The following EDC3 variants were observed in gnomAD, a reference collection of about 807,000 sequenced individuals.
EDC3 encodes the protein enhancer of mRNA decapping 3.
A neutral mutation model predicts 41.8 loss-of-function variants in EDC3; 20 were observed. The ratio of observed to expected loss-of-function variants is 0.48; its 90% confidence interval spans 0.34 to 0.70. EDC3 has a LOEUF of 0.70. EDC3 is among the 30% of genes least tolerant of loss of function. The pLI, the probability that EDC3 is intolerant of heterozygous loss-of-function variation, is 0.01. For synonymous variants in EDC3, 206 were observed against 243.2 expected, an observed-to-expected ratio of 0.85 and a Z score of 1.42; for missense variants, 444 against 636.8, an observed-to-expected ratio of 0.70 and a Z score of 3.26.
At chr15:74,680,575 C>T (rs1567179347) in intron 1 of EDC3, among the ~76,000 whole-genome samples, 1 of 152,056 alleles carries the variant, frequency 6.6e-6, no homozygotes, top group Non-Finnish European at 1.5e-5. Context: ...AATGCTTTCC[C>T]TATAAGAACA....
At chr15:74,687,043 A>T (rs1463212087) in intron 1 of EDC3, 1 of 152,398 alleles carries the variant, frequency 6.6e-6, no homozygotes, top group East Asian at 1.9e-4. Flanking sequence ...AGAAAAAAAT[A>T]AAAAATAAAT....
At chr15:74,674,883 G>A in intron 2 of EDC3, 78 bp downstream of exon 2, 2 of 1,540,126 alleles carry the variant, frequency 1.3e-6, no homozygotes, top group Middle Eastern at 2.3e-4. Context: ...TATGCCAAGA[G>A]AATACTAGCA....
At chr15:74,691,455 G>C (rs2141689157) in intron 1 of EDC3, among the ~76,000 whole-genome samples, 1 of 152,188 alleles carries the variant, frequency 6.6e-6, no homozygotes, top group Admixed American at 6.5e-5. Flanking sequence ...GATCACATAG[G>C]GAACTTAAGT....
At chr15:74,648,668 A>G (rs1307246076) in intron 4 of EDC3, among the ~76,000 whole-genome samples, 1 of 152,234 alleles carries the variant, frequency 6.6e-6, no homozygotes, top group Non-Finnish European at 1.5e-5. Context: ...TAGGAACTCT[A>G]GTTCGGGTCA....
chr15:74,671,588 G>A lies in EDC3; in HGVS notation c.351C>T (p.Ile117=). The A allele has an allele frequency of 6.2e-7, 1 of 1,614,172 alleles. No individual in the cohort carries two copies. Among genetic ancestry groups the A allele is most frequent in the Non-Finnish European group, 8.5e-7 (1 of 1,180,034 alleles). Residue 117 remains isoleucine, a synonymous_variant, in exon 3 of 7, where the codon ATC becomes ATT. Coordinates refer to ENST00000315127, the MANE Select transcript of EDC3 (RefSeq NM_025083.5). This position sits in a 1 kb window ranked among gnomAD's most constrained non-coding sequence, Gnocchi z 4.6. The part of the protein sequence containing the change: ...PASSSSAPQN[I]PKRTDVKSQD... The stretch of plus-strand genomic sequence containing the variant: ...GGCTCTTCACATCTGTCCTCTTAGG[G>A]ATATTCTGAGGGGCACTGCTGGAAG...
chr15:74,640,104 A>G (rs1316929360), intron 5 of EDC3: 1 of 224,994 alleles, frequency 4.4e-6, no homozygotes, highest in South Asian at 6.9e-5. Context: ...GCTCTCAGGT[A>G]TGGAGACTGA....
Position 74,655,714 on chromosome 15 carries a change from G to A in EDC3, c.820+19C>T. The A allele has an allele frequency of 6.3e-7, 1 of 1,585,718 alleles. No homozygotes were observed. Among genetic ancestry groups the A allele is most frequent in the South Asian group, 1.1e-5 (1 of 88,828 alleles). ...AAGGCAACAGCAACCAGCAGGATGT[G>A]GGACCTGATGCAACTCACCCGTGCA... On this transcript the variant is annotated intron_variant, in intron 4 of 6. Coordinates refer to ENST00000315127, the MANE Select transcript of EDC3 (RefSeq NM_025083.5).
Position 74,632,710 on chromosome 15 carries a change from A to T in EDC3, c.1429T>A (p.Cys477Ser). The change falls in exon 7 of 7, where the codon TGC becomes AGC. Residue 477 changes from cysteine (C) to serine (S), a missense_variant. Physicochemically the swap from Cys to Ser is moderately radical, Grantham distance 112. Transcript: ENST00000315127. This position sits in a 1 kb window ranked among gnomAD's most constrained non-coding sequence, Gnocchi z 4.0. ...LGEHAGRIYL[C>S]DIGIPQQVFQ... ...ACCTGCTGGGGAATGCCAATGTCGC[A>T]CAAATAGATACGGCCTGCGTGCTCC... 1 of 1,614,166 alleles carries T rather than the reference A, an allele frequency of 6.2e-7. No homozygotes were observed. Among genetic ancestry groups the T allele is most frequent in the Non-Finnish European group, 8.5e-7 (1 of 1,180,026 alleles).
At chr15:74,691,971 C>G (rs2063012973) in intron 1 of EDC3, among the ~76,000 whole-genome samples, 1 of 152,128 alleles carries the variant, frequency 6.6e-6, no homozygotes, top group East Asian at 1.9e-4. Flanking sequence ...CGCCCACCAA[C>G]ACGCCCGGCT....
chr15:74,632,386 GAGT>G lies in EDC3; in HGVS notation c.*223_*225del. 1.7e-6 allele frequency: 1 copy of G among 588,258 alleles called. No homozygotes were observed. The highest frequency in any genetic ancestry group is 3.0e-5 in the Admixed American group (1 of 33,130). The allele number at this position is 588,258 out of a possible 1,614,324, so 36.4% of individuals were successfully genotyped here. A position where few individuals can be genotyped will look rare whatever the true frequency, so the allele number is the denominator to read the frequency against. On this transcript the variant is annotated 3_prime_UTR_variant, in exon 7 of 7. Coordinates refer to ENST00000315127, the MANE Select transcript of EDC3 (RefSeq NM_025083.5). The surrounding 1 kb of genome is among the most constrained non-coding windows in gnomAD (Gnocchi z 4.0). ...AGGGGGCTGAGGGTAGAGATGCCTG[GAGT>G]TGCTGCACGCTCAGCCTGCCACCCA...
At chr15:74,672,480 C>A (rs945530301) in intron 2 of EDC3, among the ~76,000 whole-genome samples, 4 of 152,112 alleles carry the variant, frequency 2.6e-5, no homozygotes, top group Non-Finnish European at 4.4e-5. Context: ...CCCACAGGAA[C>A]TCAGTCTGGT....
chr15:74,649,865 G>C (rs372525137), intron 4 of EDC3, among the ~76,000 whole-genome samples: 1 of 150,926 alleles, frequency 6.6e-6, no homozygotes, highest in Admixed American at 6.6e-5. Flanking sequence ...AAAAAAGGGG[G>C]GGGGGGTCAC....
At chr15:74,678,279 A>C (rs191828972) in intron 1 of EDC3, among the ~76,000 whole-genome samples, 8 of 152,324 alleles carry the variant, frequency 5.3e-5, no homozygotes, top group Admixed American at 2.0e-4. Context: ...AATTGTAACA[A>C]ACACGACCGT....
chr15:74,654,756 A>C (rs915066233), intron 4 of EDC3, among the ~76,000 whole-genome samples: 3 of 152,024 alleles, frequency 2.0e-5, no homozygotes, highest in African/African-American at 7.3e-5. Flanking sequence ...ATACTCAGCG[A>C]AACCAAATAC....
At chr15:74,688,365 A>G (rs1354460042) in intron 1 of EDC3, among the ~76,000 whole-genome samples, 1 of 152,232 alleles carries the variant, frequency 6.6e-6, no homozygotes, top group African/African-American at 2.4e-5. Context: ...TAACATATAC[A>G]GTAAGTCAGT....
intron 1 of EDC3, among the ~76,000 whole-genome samples, chr15:74,691,919 C>T (rs1216237633): frequency 2.6e-5 from 4 of 152,004 alleles, no homozygotes; most frequent in African/African-American, 4.8e-5. Flanking sequence ...CGGGTTCAAG[C>T]GATTCTCCTG....
chr15:74,663,459 C>A (rs1209993497), intron 3 of EDC3, among the ~76,000 whole-genome samples: 3 of 152,072 alleles, frequency 2.0e-5, no homozygotes, highest in African/African-American at 7.2e-5. Context: ...ATCCAAACAT[C>A]CAAAATCCAA....
intron 3 of EDC3, among the ~76,000 whole-genome samples, chr15:74,667,207 G>A (rs2062685304): frequency 6.6e-6 from 1 of 151,790 alleles, no homozygotes; most frequent in South Asian, 2.1e-4. Flanking sequence ...ATGTGGTAAT[G>A]GATTAAAGTT....
At chr15:74,684,084 GTTTTTT>G (rs58548595) in intron 1 of EDC3, among the ~76,000 whole-genome samples, 3 of 103,054 alleles carry the variant, frequency 2.9e-5, no homozygotes, top group Admixed American at 1.0e-4. Flanking sequence ...TTTTGTTTCT[GTTTTTT>G]TTTTTTTTTT....
Sources: gnomAD v4.1 joint callset for allele counts (sites outside exome capture counted in the v4.1 genomes callset) on GRCh38, gnomAD v4.1.1 for gene constraint, Gnocchi (gnomAD v3.1) non-coding constraint, MANE v1.5 for transcripts, NCBI Gene and HGNC (gene_info 2026-07-23, HGNC 2026-07-21) for gene names.